The following SUCLG1 variants were observed in gnomAD, a reference collection of about 807,000 sequenced individuals.
SUCLG1 encodes succinate-CoA ligase GDP/ADP-forming subunit alpha.
A neutral mutation model predicts 37.3 loss-of-function variants in SUCLG1; 26 were observed. The ratio of observed to expected loss-of-function variants is 0.70; its 90% confidence interval spans 0.51 to 0.97. The LOEUF is 0.97. SUCLG1 is among the 50% of genes least tolerant of loss of function. SUCLG1 has a pLI of 0.00. For synonymous variants in SUCLG1, 163 were observed against 155.6 expected (o/e 1.05, Z -0.36); for missense variants, 433 against 432.9 (o/e 1.00, Z 0.00).
Position 84,425,521 on chromosome 2 carries a change from A to T in SUCLG1, c.908T>A (p.Ile303Asn). The T allele has an allele frequency of 6.2e-7, 1 of 1,614,200 alleles. No homozygotes were observed. Among genetic ancestry groups the T allele is most frequent in the East Asian group, 2.2e-5 (1 of 44,888 alleles). ...PGRRMGHAGA[I>N]IAGGKGGAKE... ...AGCTCCACCTTTTCCTCCAGCAATA[A>T]TTGCCCCGGCATGACCCATTCTTCT... is the stretch of plus-strand genomic sequence containing the variant. Residue 303 changes from isoleucine (I) to asparagine (N), a missense_variant, in exon 8 of 9, where the codon ATT becomes AAT. By Grantham distance (149) the Ile-to-Asn change is moderately radical. Transcript: ENST00000393868.
intron 5 of SUCLG1, 112 bp downstream of exon 5, chr2:84,440,935 A>T: frequency 9.5e-7 from 1 of 1,056,378 alleles, no homozygotes; most frequent in Non-Finnish European, 1.4e-6. Context: ...GGTAAATTCT[A>T]CTCAAGTCAA....
intron 7 of SUCLG1, among the ~76,000 whole-genome samples, chr2:84,430,511 CAAAAGA>C (rs1262624119): frequency 6.6e-6 from 1 of 152,108 alleles, no homozygotes; most frequent in Non-Finnish European, 1.5e-5. Context: ...AAAATCACCA[CAAAAGA>C]AAATCAAGTA....
At chr2:84,441,574 G>A (rs1672774258) in intron 3 of SUCLG1, 115 bp from the exon 4 acceptor site, 1 of 1,157,182 alleles carries the variant, frequency 8.6e-7, no homozygotes, top group Non-Finnish European at 1.3e-6. Flanking sequence ...ACTACCCAGA[G>A]ACATAGCATT....
chr2:84,448,836 A>T (rs1014827631), intron 2 of SUCLG1: 1 of 215,498 alleles, frequency 4.6e-6, no homozygotes. Context: ...TTATATAAAT[A>T]TATATAATTC....
intron 7 of SUCLG1, among the ~76,000 whole-genome samples, chr2:84,428,889 A>T (rs188419627): frequency 1.3e-5 from 2 of 152,272 alleles, no homozygotes; most frequent in East Asian, 3.9e-4. Flanking sequence ...AGTCAGACAA[A>T]CCTGGGTATG....
In SUCLG1 at chr2:84,459,253, G is replaced by C. The variant is rs1238739336; in HGVS notation, c.17C>G (p.Ala6Gly). The C allele has an allele frequency of 6.4e-7, 1 of 1,550,688 alleles. No homozygotes were observed. Among genetic ancestry groups the C allele is most frequent in the Non-Finnish European group, 8.7e-7 (1 of 1,146,824 alleles). Residue 6 changes from alanine (A) to glycine (G), a missense_variant, in exon 1 of 9, where the codon GCC (alanine) becomes GGC (glycine). Transcript: ENST00000393868. Reference sequence around the variant, plus strand: ...CATGGTAGCGATGTCAGCGGCAGCGGCAAGGGTTGCGGTCATACGCCAATG... The same window carrying C: ...CATGGTAGCGATGTCAGCGGCAGCGCCAAGGGTTGCGGTCATACGCCAATG... MTATLAAAADIATMVS... is the reference protein window; with the variant it reads MTATLGAAADIATMVS...
rs56733272 is a variant in SUCLG1 at position 84,449,762 on chromosome 2, TAAAAAAAAAAAAA to T, written c.98-23_98-11del. On this transcript the variant is annotated splice_polypyrimidine_tract_variant and intron_variant, in intron 1 of 8. Transcript: ENST00000393868. ...ATTCCATTCTGCGGCACTAAGAGGT[TAAAAAAAAAAAAA>T]AAAAAAAAAAAAGACACATTATAAT... The T allele has an allele frequency of 2.9e-5, 23 of 792,090 alleles. No individual in the cohort carries two copies. Among genetic ancestry groups the T allele is most frequent in the Non-Finnish European group, 3.7e-5 (20 of 543,848 alleles). The allele number at this position is 792,090 out of a possible 1,614,324, so 49.1% of individuals were successfully genotyped here. A position where few individuals can be genotyped will look rare whatever the true frequency, so the allele number is the denominator to read the frequency against.
chr2:84,458,134 C>T (rs1489030851), intron 1 of SUCLG1, among the ~76,000 whole-genome samples: 1 of 151,580 alleles, frequency 6.6e-6, no homozygotes, highest in Non-Finnish European at 1.5e-5. Context: ...GCAGTGAACC[C>T]AGATCATCCT....
Position 84,425,592 on chromosome 2 carries a change from G to A in SUCLG1, c.837C>T (p.Ser279=). ...FLKQHNSGPN[S]KPVVSFIAGL... is the part of the protein sequence containing the mutation. Reference sequence around the variant, plus strand: ...CAGCAATGAAGGACACTACAGGCTTGGAATTTGGACCCTAGAAAGAAAGTA... The same window carrying A: ...CAGCAATGAAGGACACTACAGGCTTAGAATTTGGACCCTAGAAAGAAAGTA... Residue 279 remains serine (S), a synonymous_variant, in exon 8 of 9, where the codon TCC becomes TCT. Transcript: ENST00000393868. 11 of 1,614,208 alleles carry A rather than the reference G, an allele frequency of 6.8e-6. No individual in the cohort carries two copies. Among genetic ancestry groups the A allele is most frequent in the Non-Finnish European group, 8.5e-6 (10 of 1,180,050 alleles).
intron 3 of SUCLG1, 176 bp downstream of exon 3, chr2:84,443,108 T>C (rs1481999666): frequency 2.9e-6 from 2 of 683,872 alleles, no homozygotes; most frequent in Admixed American, 4.2e-5. Flanking sequence ...AGCTGATTCA[T>C]ACCTAGAAAC....
intron 1 of SUCLG1, among the ~76,000 whole-genome samples, chr2:84,458,120 T>C (rs1473663464): frequency 2.6e-5 from 4 of 151,910 alleles, no homozygotes; most frequent in Admixed American, 1.3e-4. Flanking sequence ...GCTCCACTTA[T>C]TCTGCAGTGA....
At chr2:84,455,744 G>A (rs1673009305) in intron 1 of SUCLG1, among the ~76,000 whole-genome samples, 1 of 151,354 alleles carries the variant, frequency 6.6e-6, no homozygotes, top group Admixed American at 6.6e-5. Flanking sequence ...GCTGAGGCAG[G>A]AGAACGGCTT....
chr2:84,431,269 C>CT (rs1672610027), intron 7 of SUCLG1, among the ~76,000 whole-genome samples: 1 of 152,172 alleles, frequency 6.6e-6, no homozygotes, highest in Non-Finnish European at 1.5e-5. Flanking sequence ...AGGAGAACGA[C>CT]TTACCTACCA....
At chr2:84,433,617 A>AG in intron 5 of SUCLG1, 182 bp from the exon 6 acceptor site, 1 of 623,538 alleles carries the variant, frequency 1.6e-6, no homozygotes, top group African/African-American at 1.8e-5. Context: ...AAATTCAAGC[A>AG]GGGGGGTTTT....
At chr2:84,427,429 T>C (rs1437115076) in intron 7 of SUCLG1, among the ~76,000 whole-genome samples, 1 of 152,224 alleles carries the variant, frequency 6.6e-6, no homozygotes, top group Non-Finnish European at 1.5e-5. Flanking sequence ...TTTTGTAACA[T>C]GCATTCCTCA....
chr2:84,450,060 G>A (rs984912405), intron 1 of SUCLG1, among the ~76,000 whole-genome samples: 1 of 150,566 alleles, frequency 6.6e-6, no homozygotes, highest in African/African-American at 2.5e-5. Context: ...GAAAAAAACT[G>A]GGGCTCAAAG....
At chr2:84,427,013 A>C (rs1306762408) in intron 7 of SUCLG1, 1 of 153,800 alleles carries the variant, frequency 6.5e-6, no homozygotes, top group East Asian at 1.9e-4. Flanking sequence ...ATTCACTTAA[A>C]AATAACATTT....
At chr2:84,426,938 TA>T (rs2104238569) in intron 7 of SUCLG1, 1 of 153,182 alleles carries the variant, frequency 6.5e-6, no homozygotes, top group African/African-American at 2.4e-5. Flanking sequence ...CTTTTGTTGA[TA>T]TGTATTATAT....
chr2:84,426,916 G>A (rs759590412), intron 7 of SUCLG1: 1 of 152,548 alleles, frequency 6.6e-6, no homozygotes, highest in South Asian at 2.1e-4. Flanking sequence ...AATTATTGAC[G>A]ATCTCAAAGA....
Sources: gnomAD v4.1 joint callset for allele counts (sites outside exome capture counted in the v4.1 genomes callset) on GRCh38, gnomAD v4.1.1 for gene constraint, MANE v1.5 for transcripts, NCBI Gene and HGNC (gene_info 2026-07-23, HGNC 2026-07-21) for gene names.